UQCR11: variants seen among roughly 807,000 people sequenced by gnomAD.
UQCR11 encodes cytochrome b-c1 complex subunit 10.
In UQCR11, 10 loss-of-function variants were observed where a neutral mutation model predicts 7.6. The observed-to-expected ratio is 1.31, with a 90% confidence interval of 0.81 to 2.22. The LOEUF is 2.22. Ranked by LOEUF, UQCR11 falls within the 30% of genes most tolerant of loss-of-function variation. The pLI, the probability that UQCR11 is intolerant of heterozygous loss-of-function variation, is 0.00. For synonymous variants in UQCR11, 34 were observed against 34.9 expected (o/e 0.97, Z 0.09); for missense variants, 86 against 75.1 (o/e 1.15, Z -0.54).
At chr19:1,600,831 T>G (rs1456854494) in intron 1 of UQCR11, among the ~76,000 whole-genome samples, 1 of 151,956 alleles carries the variant, frequency 6.6e-6, no homozygotes, top group Admixed American at 6.6e-5. Context: ...ACCAACTGCC[T>G]TCCAGCCTCG....
chr19:1,601,061 T>C (rs890503029), intron 1 of UQCR11, among the ~76,000 whole-genome samples: 19 of 151,880 alleles, frequency 1.3e-4, no homozygotes, highest in Non-Finnish European at 2.8e-4. Flanking sequence ...CCCAGCTACT[T>C]GGGAGGCTGA....
chr19:1,598,903 G>A (rs554728088), intron 2 of UQCR11: 2 of 161,396 alleles, frequency 1.2e-5, no homozygotes, highest in African/African-American at 2.4e-5. Flanking sequence ...CCTGGAAAAT[G>A]GGGGTGTAAG....
rs57267342 is a variant in UQCR11 at position 1,601,904 on chromosome 19, G to C, written c.51-2344C>G. 0.034 allele frequency: 5,143 copies of C among 152,316 alleles called. 481 individuals are homozygous for C. In the East Asian group the frequency reaches 0.38, roughly 11 times the overall value. The allele number at this position is 152,316 out of a possible 1,614,324, so 9.4% of individuals were successfully genotyped here. ...GGGCGGGGTGCGGCGGTTCACACCT[G>C]TAATCCCAGCACTTCCGGAGGCCGA... On this transcript the variant is annotated intron_variant, in intron 1 of 2. Coordinates refer to ENST00000591899, the MANE Select transcript of UQCR11 (RefSeq NM_006830.4).
At chr19:1,598,337 G>C (rs2060737408) in intron 2 of UQCR11, 122 bp from the exon 3 acceptor site, 1 of 152,422 alleles carries the variant, frequency 6.6e-6, no homozygotes. Context: ...CTGAGGTCAG[G>C]AGTTTGAGAC....
intron 1 of UQCR11, 79 bp downstream of exon 1, chr19:1,605,281 G>A (rs577717221): frequency 2.1e-6 from 3 of 1,450,240 alleles, no homozygotes; most frequent in East Asian, 2.9e-5. Context: ...CCCCGGAAAC[G>A]CGCACAAATA....
chr19:1,600,916 C>T (rs1380800978), intron 1 of UQCR11, among the ~76,000 whole-genome samples: 1 of 152,200 alleles, frequency 6.6e-6, no homozygotes, highest in Admixed American at 6.5e-5. Context: ...CGCCTGTAAT[C>T]CCAGCACTTT....
chr19:1,597,661 C>G lies in UQCR11; in HGVS notation c.*583G>C, dbSNP rs533653722. Reference sequence around the variant, plus strand: ...TGTCACCGACAGCCACGTGAGGGCACTGGCTTGGAAGTGGCTCCAGCCCCA... The same window carrying G: ...TGTCACCGACAGCCACGTGAGGGCAGTGGCTTGGAAGTGGCTCCAGCCCCA... On this transcript the variant is annotated 3_prime_UTR_variant, in exon 3 of 3. Coordinates refer to ENST00000591899, the MANE Select transcript of UQCR11 (RefSeq NM_006830.4). 1 of 152,248 alleles carries G rather than the reference C, an allele frequency of 6.6e-6. No homozygotes were observed. The highest frequency in any genetic ancestry group is 1.5e-5 in the Non-Finnish European group (1 of 68,012). 9.4% of individuals were successfully genotyped at this position (152,248 alleles called of 1,614,324 possible).
rs1326755606 is a variant in UQCR11, at chr19:1,597,191, TTTTA to T, written c.*1049_*1052del. The T allele has an allele frequency of 2.6e-5, 4 of 152,126 alleles. No individual in the cohort carries two copies. The highest frequency in any genetic ancestry group is 9.7e-5 in the African/African-American group (4 of 41,416). 9.4% of individuals were successfully genotyped at this position (152,126 alleles called of 1,614,324 possible). ...ATATTCTCTTTTTATACCTGTTCAT[TTTTA>T]TTTTTTCATTTTTTTTCTTTTTATC... On this transcript the variant is annotated 3_prime_UTR_variant, in exon 3 of 3. Transcript: ENST00000591899.
chr19:1,598,950 A>C lies in UQCR11; in HGVS notation c.*28+462T>G, dbSNP rs114311715. ...GTGGGACTGTCATGTGGGCACTGGG[A>C]AGATGCCACAGGCACTGTGGTTAAG... On this transcript the variant is annotated intron_variant, in intron 2 of 2. Coordinates refer to ENST00000591899, the MANE Select transcript of UQCR11 (RefSeq NM_006830.4). 1,222 of 169,646 alleles carry C rather than the reference A, an allele frequency of 7.2e-3. 18 individuals carry two copies. Among genetic ancestry groups the C allele is most frequent in the African/African-American group, 0.027 (1,145 of 41,848 alleles). The allele number at this position is 169,646 out of a possible 1,614,324, so 10.5% of individuals were successfully genotyped here.
chr19:1,605,258 G>T, intron 1 of UQCR11, 102 bp downstream of exon 1: 2 of 1,358,144 alleles, frequency 1.5e-6, no homozygotes, highest in East Asian at 6.0e-5. Flanking sequence ...ACCTGGGCCC[G>T]GCCCGGCCCG....
intron 1 of UQCR11, chr19:1,602,319 GTGCCCGCTC>G (rs1181722066): frequency 1.3e-5 from 2 of 152,188 alleles, no homozygotes; most frequent in Non-Finnish European, 2.9e-5. Context: ...TGTAGGCCAG[GTGCCCGCTC>G]ACCAGCTGGG....
intron 1 of UQCR11, among the ~76,000 whole-genome samples, chr19:1,600,022 C>T (rs558453886): frequency 7.2e-5 from 11 of 152,332 alleles, no homozygotes; most frequent in African/African-American, 2.2e-4. Context: ...TCGAGGCCTC[C>T]GGTTCCAAGC....
At chr19:1,604,048 C>G (rs1357388470) in intron 1 of UQCR11, among the ~76,000 whole-genome samples, 4 of 152,174 alleles carry the variant, frequency 2.6e-5, no homozygotes, top group African/African-American at 9.7e-5. Flanking sequence ...CGGGTTTGAG[C>G]GATTCTCCTG....
chr19:1,602,849 T>C (rs1449249008), intron 1 of UQCR11, among the ~76,000 whole-genome samples: 1 of 152,194 alleles, frequency 6.6e-6, no homozygotes, highest in Non-Finnish European at 1.5e-5. Context: ...TAGGACCCTG[T>C]GGATTTGGAC....
rs551891232 is a variant in UQCR11, at chr19:1,601,112, T to G, written c.51-1552A>C. On this transcript the variant is annotated intron_variant, in intron 1 of 2. Coordinates refer to ENST00000591899, the MANE Select transcript of UQCR11 (RefSeq NM_006830.4). ...TGAACCCAGGAGGTGGAGGTTGCAG[T>G]GAGCCAAGATTGCACCATTGCTCTC... Among the ~76,000 whole-genome samples, 5 of 151,098 alleles carry G rather than the reference T, an allele frequency of 3.3e-5. No homozygotes were observed. In the South Asian group the frequency reaches 1.0e-3, roughly 32 times the overall value.
At chr19:1,599,652 T>G in intron 1 of UQCR11, 92 bp from the exon 2 acceptor site, 1 of 1,530,192 alleles carries the variant, frequency 6.5e-7, no homozygotes, top group Non-Finnish European at 8.7e-7. Context: ...TGAGCGGTGA[T>G]GGCTGAGGTG....
Position 1,599,425 on chromosome 19 carries a change from G to A in UQCR11, c.*15C>T, listed in dbSNP as rs757292597. ...ACTGAAACTTACCAGAGCAGTCTGT[G>A]AAGGGTTTGTGTAATTAATTATCCT... On this transcript the variant is annotated 3_prime_UTR_variant, in exon 2 of 3. Coordinates refer to ENST00000591899, the MANE Select transcript of UQCR11 (RefSeq NM_006830.4). 1.2e-6 allele frequency: 2 copies of A among 1,613,348 alleles called. No individual in the cohort carries two copies. Among genetic ancestry groups the A allele is most frequent in the Non-Finnish European group, 1.7e-6 (2 of 1,179,872 alleles).
intron 1 of UQCR11, among the ~76,000 whole-genome samples, chr19:1,600,845 A>G (rs2060745288): frequency 6.6e-6 from 1 of 152,142 alleles, no homozygotes; most frequent in Non-Finnish European, 1.5e-5. Flanking sequence ...AGCCTCGGTA[A>G]ATATGAGACC....
rs539785926 is a variant in UQCR11 at position 1,597,180 on chromosome 19, T to C, written c.*1064A>G. ...GACTTTGTACCATATTCTCTTTTTATACCTGTTCATTTTTATTTTTTCATT... is the reference window on the plus strand; with the variant it reads ...GACTTTGTACCATATTCTCTTTTTACACCTGTTCATTTTTATTTTTTCATT... On this transcript the variant is annotated 3_prime_UTR_variant, in exon 3 of 3. Transcript: ENST00000591899. The C allele has an allele frequency of 6.6e-6, 1 of 152,246 alleles. No individual in the cohort carries two copies. The highest frequency in any genetic ancestry group is 2.4e-5 in the African/African-American group (1 of 41,542). The allele number at this position is 152,246 out of a possible 1,614,324, so 9.4% of individuals were successfully genotyped here.
Sources: allele counts gnomAD v4.1 joint callset (sites outside exome capture counted in the v4.1 genomes callset), GRCh38; gene constraint gnomAD v4.1.1; transcripts MANE v1.5; gene names NCBI Gene and HGNC (gene_info 2026-07-23, HGNC 2026-07-21).